The following TMEM178A variants were observed in gnomAD, a reference collection of about 807,000 sequenced individuals.
TMEM178A encodes transmembrane protein 178A.
A neutral mutation model predicts 29.1 loss-of-function variants in TMEM178A; 12 were observed. That is an observed-to-expected ratio of 0.41 (90% CI 0.26 to 0.67). The LOEUF (loss-of-function observed/expected upper bound fraction) is 0.67. Among genes scored for constraint, TMEM178A ranks in the 30% least tolerant of loss-of-function variants. The probability of loss-of-function intolerance (pLI) is 0.29; values close to 1 mark genes in which losing one functional copy is unlikely to be tolerated. For missense variants in TMEM178A, 366 were observed against 419.1 expected, an observed-to-expected ratio of 0.87 and a Z score of 1.11; for synonymous variants, 210 against 187.2, an observed-to-expected ratio of 1.12 and a Z score of -0.99.
At chr2:39,683,758 T>C (rs1439242036) in intron 1 of TMEM178A, among the ~76,000 whole-genome samples, 2 of 152,206 alleles carry the variant, frequency 1.3e-5, no homozygotes, top group Non-Finnish European at 2.9e-5. Context: ...ACAATCAGTA[T>C]GGATGAGGAT....
the TMEM178A span, among the ~76,000 whole-genome samples, chr2:39,731,243 G>A: frequency 6.6e-6 from 1 of 152,310 alleles, no homozygotes; most frequent in South Asian, 2.1e-4. Context: ...ACAAGGGGGA[G>A]GGTCTTCAAT....
intron 3 of TMEM178A, among the ~76,000 whole-genome samples, chr2:39,711,124 T>TAC (rs1260079337): frequency 2.0e-5 from 3 of 152,132 alleles, no homozygotes; most frequent in African/African-American, 4.8e-5. Context: ...CCTCTGAGGT[T>TAC]ACACACACAC....
At chr2:39,702,928 G>A (rs1001014182) in intron 1 of TMEM178A, among the ~76,000 whole-genome samples, 1 of 152,136 alleles carries the variant, frequency 6.6e-6, no homozygotes, top group Admixed American at 6.6e-5. Context: ...CCACCTAGGT[G>A]ATTCTGATGT....
At chr2:39,707,378 A>G (rs1572690239) in intron 3 of TMEM178A, among the ~76,000 whole-genome samples, 192 bp downstream of exon 3, 2 of 152,216 alleles carry the variant, frequency 1.3e-5, no homozygotes, top group African/African-American at 2.4e-5. Context: ...TGCATCCTCT[A>G]TATCCCCATT....
At chr2:39,711,442 G>A (rs1672297157) in intron 3 of TMEM178A, among the ~76,000 whole-genome samples, 1 of 152,140 alleles carries the variant, frequency 6.6e-6, no homozygotes, top group African/African-American at 2.4e-5. Flanking sequence ...GGCCTCCCTT[G>A]GTGGGGGTCT....
intron 1 of TMEM178A, among the ~76,000 whole-genome samples, chr2:39,692,185 T>C (rs1295378348): frequency 2.6e-5 from 4 of 152,096 alleles, no homozygotes; most frequent in African/African-American, 9.7e-5. Flanking sequence ...AATGGGAAGA[T>C]GGATGCTGGT....
intron 1 of TMEM178A, among the ~76,000 whole-genome samples, chr2:39,701,941 C>G (rs1395077022): frequency 6.6e-6 from 1 of 152,088 alleles, no homozygotes; most frequent in Non-Finnish European, 1.5e-5. Context: ...AAATATCACT[C>G]TCATCCTTTC....
At chr2:39,720,319 C>A (rs1672677329), downstream of TMEM178A, among the ~76,000 whole-genome samples, 1 of 152,126 alleles carries the variant, frequency 6.6e-6, no homozygotes, top group Non-Finnish European at 1.5e-5. Context: ...GGAATAAAAA[C>A]CTGGGAACCC....
intron 1 of TMEM178A, among the ~76,000 whole-genome samples, chr2:39,678,076 T>C (rs1250524352): frequency 6.6e-6 from 1 of 152,194 alleles, no homozygotes; most frequent in Non-Finnish European, 1.5e-5. Context: ...CAGGGAACCA[T>C]CTCCATAGAT....
At chr2:39,675,633 C>T (rs1465449616) in intron 1 of TMEM178A, among the ~76,000 whole-genome samples, 1 of 152,062 alleles carries the variant, frequency 6.6e-6, no homozygotes, top group Non-Finnish European at 1.5e-5. Flanking sequence ...TTTTTTAGAG[C>T]ATGTTTTTAT....
chr2:39,733,614 A>G, the TMEM178A span, among the ~76,000 whole-genome samples: 1 of 152,250 alleles, frequency 6.6e-6, no homozygotes, highest in Admixed American at 6.5e-5. Flanking sequence ...TTACTTACAT[A>G]TTTATTAGGA....
chr2:39,694,193 G>T (rs56104365), intron 1 of TMEM178A, among the ~76,000 whole-genome samples: 14,155 of 133,066 alleles, frequency 0.11, 2,230 homozygotes, highest in African/African-American at 0.35. Flanking sequence ...TAATTAAAGC[G>T]AACACTAATA....
At chr2:39,686,573 G>T (rs547349758) in intron 1 of TMEM178A, among the ~76,000 whole-genome samples, 3 of 152,178 alleles carry the variant, frequency 2.0e-5, no homozygotes, top group African/African-American at 7.2e-5. Flanking sequence ...GGGTTGAGGG[G>T]AGTGATAGGA....
intron 3 of TMEM178A, among the ~76,000 whole-genome samples, chr2:39,713,242 G>A (rs143459994): frequency 3.3e-5 from 5 of 152,202 alleles, no homozygotes; most frequent in Admixed American, 6.5e-5. Context: ...GGCTTGGGAC[G>A]TGGTAGATAC....
chr2:39,702,359 A>C (rs866258497), intron 1 of TMEM178A, among the ~76,000 whole-genome samples: 11 of 152,114 alleles, frequency 7.2e-5, no homozygotes, highest in Admixed American at 7.2e-4. Flanking sequence ...TAAACCTTCC[A>C]GTCTTTGCCA....
the TMEM178A span, among the ~76,000 whole-genome samples, chr2:39,733,721 C>T: frequency 2.0e-5 from 3 of 152,152 alleles, no homozygotes; most frequent in Non-Finnish European, 4.4e-5. Flanking sequence ...TTTTCCCCAA[C>T]CAGAATTTAT....
chr2:39,707,239 C>A (rs190465693), intron 3 of TMEM178A, 53 bp downstream of exon 3: 429 of 1,543,384 alleles, frequency 2.8e-4, no homozygotes, highest in Admixed American at 6.9e-4. Flanking sequence ...GGCTGCTCTG[C>A]ATGCGGCTAG....
downstream of TMEM178A, among the ~76,000 whole-genome samples, chr2:39,722,793 A>G (rs970169804): frequency 4.6e-5 from 7 of 152,194 alleles, no homozygotes; most frequent in Non-Finnish European, 8.8e-5. Context: ...TGAACAGACC[A>G]TTGTCCCAGT....
At chr2:39,677,358 G>A (rs2148061523) in intron 1 of TMEM178A, among the ~76,000 whole-genome samples, 1 of 152,146 alleles carries the variant, frequency 6.6e-6, no homozygotes, top group South Asian at 2.1e-4. Context: ...CCTTTGACTG[G>A]CAACTGAGTG....
Sources: gnomAD v4.1 joint callset for allele counts (sites outside exome capture counted in the v4.1 genomes callset) on GRCh38, gnomAD v4.1.1 for gene constraint, MANE v1.5 for transcripts, NCBI Gene and HGNC (gene_info 2026-07-23, HGNC 2026-07-21) for gene names.